The following SAG variants were observed in gnomAD, a reference collection of about 807,000 sequenced individuals.
SAG encodes S-arrestin.
In SAG, 45 loss-of-function variants were observed where a neutral mutation model predicts 55.0. The ratio of observed to expected loss-of-function variants is 0.82; its 90% CI spans 0.64 to 1.05. The LOEUF (loss-of-function observed/expected upper bound fraction) is 1.05. SAG is among the 50% of genes least tolerant of loss of function. SAG has a pLI of 0.00. For synonymous variants in SAG, 189 were observed against 197.4 expected, an observed-to-expected ratio of 0.96 and a Z score of 0.36; for missense variants, 455 against 512.1, an observed-to-expected ratio of 0.89 and a Z score of 1.08.
Position 233,328,497 on chromosome 2 carries a change from A to G in SAG, c.532A>G (p.Ile178Val). 1 of 1,613,764 alleles carries G rather than the reference A, an allele frequency of 6.2e-7. No homozygotes were observed. The highest frequency in any genetic ancestry group is 8.5e-7 in the Non-Finnish European group (1 of 1,179,728). The part of the protein sequence containing the change: ...IPKKSSVRLL[I>V]RKVQHAPLEM... The stretch of plus-strand genomic sequence containing the variant: ...CCACAGGAGCTCCGTGCGATTACTG[A>G]TCCGCAAAGTACAGCATGCCCCACT... Residue 178 changes from isoleucine to valine, a missense_variant, in exon 8 of 16, where the codon ATC becomes GTC. Physicochemically the swap from Ile to Val is conservative, Grantham distance 29. Transcript: ENST00000409110.
chr2:233,313,515 A>AT (rs111926878), intron 2 of SAG, among the ~76,000 whole-genome samples: 28,577 of 146,936 alleles, frequency 0.19, 4,189 homozygotes, highest in African/African-American at 0.42. Context: ...TTTGGGGAGA[A>AT]TTTTTTTTTT....
At chr2:233,343,579 G>A in intron 14 of SAG, 1 of 818,774 alleles carries the variant, frequency 1.2e-6, no homozygotes, top group East Asian at 7.2e-5. Flanking sequence ...CTGTGAAAAG[G>A]TAAATTGTAT....
At chr2:233,321,433 GAATGAAATT>G (rs1401539243) in intron 5 of SAG, among the ~76,000 whole-genome samples, 1 of 152,192 alleles carries the variant, frequency 6.6e-6, no homozygotes, top group Non-Finnish European at 1.5e-5. Flanking sequence ...CCTTAAAAAG[GAATGAAATT>G]CTGTTCTGTG....
rs373995961 is a variant in SAG at position 233,317,895 on chromosome 2, C to T, written c.137-856C>T. On this transcript the variant is annotated intron_variant, in intron 3 of 15. Transcript: ENST00000409110. ...ATAATTGAGTGAGGAAAGCAGTTAG[C>T]TGAACAGTATGTACAATAGGATCTT... 5.3e-5 allele frequency among the ~76,000 whole-genome samples: 8 copies of T among 152,290 alleles called. No individual in the cohort carries two copies. The East Asian group carries it at 1.2e-3, about 22-fold the overall frequency.
chr2:233,339,464 C>G (rs6742218), intron 12 of SAG, among the ~76,000 whole-genome samples: 94,282 of 151,600 alleles, frequency 0.62, 29,704 homozygotes, highest in South Asian at 0.71. Flanking sequence ...GGAAAATAAG[C>G]GTTTAAAAAG....
Position 233,328,520 on chromosome 2 carries a change from A to T in SAG, c.555A>T (p.Pro185=), listed in dbSNP as rs940517348. The T allele has an allele frequency of 1.2e-6, 2 of 1,613,764 alleles. No individual in the cohort carries two copies. Among genetic ancestry groups the T allele is most frequent in the African/African-American group, 2.7e-5 (2 of 74,912 alleles). Residue 185 remains proline, a synonymous_variant, in exon 8 of 16, where the codon CCA becomes CCT. Transcript: ENST00000409110. The stretch of plus-strand genomic sequence containing the variant: ...TGATCCGCAAAGTACAGCATGCCCC[A>T]CTTGAGATGGGTCCCCAGCCCCGAG... ...RLLIRKVQHA[P]LEMGPQPRAE... is the part of the protein sequence containing the mutation.
At chr2:233,343,574 A>G in intron 14 of SAG, 1 of 773,468 alleles carries the variant, frequency 1.3e-6, no homozygotes, top group Non-Finnish European at 1.8e-6. Flanking sequence ...GTCGACTGTG[A>G]AAAGGTAAAT....
chr2:233,309,693 A>G (rs992109302), intron 2 of SAG, among the ~76,000 whole-genome samples: 1 of 152,126 alleles, frequency 6.6e-6, no homozygotes, highest in Admixed American at 6.6e-5. Context: ...CTTTGTGTCT[A>G]TTTTTGTCTC....
chr2:233,309,214 A>T lies in SAG; in HGVS notation c.25A>T (p.Lys9Ter), dbSNP rs1326542124. MAASGKTS[K>*]SEPNHVIFKK... ...CATGGCAGCCAGCGGGAAGACCAGC[A>T]AGTCCGAACCGAACCATGTTATCTT... Residue 9 changes from lysine to a stop codon, truncating the protein, a stop_gained, in exon 2 of 16, where the codon AAG (lysine) becomes TAG (stop). Coordinates refer to ENST00000409110, the MANE Select transcript of SAG (RefSeq NM_000541.5). LOFTEE classifies it high-confidence loss of function. 4.3e-6 allele frequency: 7 copies of T among 1,613,840 alleles called. No homozygotes were observed. Among genetic ancestry groups the T allele is most frequent in the Non-Finnish European group, 5.1e-6 (6 of 1,179,800 alleles).
chr2:233,321,986 T>TACACACACAC (rs57822347), intron 5 of SAG, among the ~76,000 whole-genome samples: 31 of 133,262 alleles, frequency 2.3e-4, no homozygotes, highest in South Asian at 5.0e-4. Flanking sequence ...CTACTAAAAA[T>TACACACACAC]ACACACACAC....
At position 233,327,134 on chromosome 2, in the gene SAG, A is replaced by T. The variant is rs1700585390; in HGVS notation, c.449A>T (p.Asp150Val). The T allele has an allele frequency of 1.2e-6, 2 of 1,613,670 alleles. No individual in the cohort carries two copies. The highest frequency in any genetic ancestry group is 1.7e-5 in the Admixed American group (1 of 60,004). ...TCTCCCCAACAGTCCTGTGGGGTTG[A>T]CTTTGAGGTCAAAGCATTCGCCACA... ...PQDSGKSCGV[D>V]FEVKAFATDS... The change falls in exon 7 of 16, where the codon GAC (aspartate) becomes GTC (valine). Residue 150 changes from aspartate to valine, a missense_variant. Transcript: ENST00000409110.
chr2:233,329,368 C>T, intron 8 of SAG, 125 bp from the exon 9 acceptor site: 1 of 682,016 alleles, frequency 1.5e-6, no homozygotes, highest in Non-Finnish European at 2.6e-6. Context: ...GCTATCACTT[C>T]ATCTTCCTTA....
chr2:233,309,077 G>T (rs1700007849), intron 1 of SAG, 85 bp from the exon 2 acceptor site: 1 of 764,976 alleles, frequency 1.3e-6, no homozygotes, highest in East Asian at 2.7e-5. Flanking sequence ...TCGTGAGTAG[G>T]TTTCATAACT....
chr2:233,319,969 A>G lies in SAG; in HGVS notation c.182-661A>G. ...GAAATATGTGCTTCGTGTCTTTTTT[A>G]GAAGGTGTAGTGAACTTCATACAAT... On this transcript the variant is annotated intron_variant, in intron 4 of 15. Transcript: ENST00000409110. This position sits in a 1 kb window ranked among gnomAD's most constrained non-coding sequence, Gnocchi z 4.4. 2 of 985,462 alleles carry G rather than the reference A, an allele frequency of 2.0e-6. No individual in the cohort carries two copies. The highest frequency in any genetic ancestry group is 2.4e-6 in the Non-Finnish European group (2 of 829,942). The allele number at this position is 985,462 out of a possible 1,614,324, so 61.0% of individuals were successfully genotyped here.
At chr2:233,311,040 G>A (rs1382441661) in intron 2 of SAG, among the ~76,000 whole-genome samples, 3 of 152,150 alleles carry the variant, frequency 2.0e-5, no homozygotes, top group Non-Finnish European at 4.4e-5. Flanking sequence ...AACCACTCGT[G>A]TTGGTTTCCC....
At position 233,340,403 on chromosome 2, in the gene SAG, G is replaced by T; in HGVS notation, c.1023-52G>T. 6.4e-7 allele frequency: 1 copy of T among 1,563,138 alleles called. No individual in the cohort carries two copies. Among genetic ancestry groups the T allele is most frequent in the East Asian group, 2.3e-5 (1 of 44,344 alleles). ...TCCTGCCTCTGAATCATGGGAAAGG[G>T]TCGTGTTACCACTGTGACAGTTAAC... On this transcript the variant is annotated intron_variant, in intron 12 of 15. Coordinates refer to ENST00000409110, the MANE Select transcript of SAG (RefSeq NM_000541.5). The surrounding 1 kb of genome is among the most constrained non-coding windows in gnomAD (Gnocchi z 4.2).
intron 14 of SAG, chr2:233,343,722 A>G: frequency 8.3e-7 from 1 of 1,210,390 alleles, no homozygotes; most frequent in Non-Finnish European, 1.0e-6. Context: ...CGGGAAAGAA[A>G]AACAGATCTG....
chr2:233,335,174 TGCTGGGCTC>T (rs1700885710), intron 11 of SAG, 75 bp downstream of exon 11: 1 of 1,538,470 alleles, frequency 6.5e-7, no homozygotes, highest in Non-Finnish European at 8.8e-7. Context: ...CACATCACCC[TGCTGGGCTC>T]GCAGGCACGC....
intron 11 of SAG, among the ~76,000 whole-genome samples, chr2:233,336,729 T>C (rs926865606): frequency 2.0e-5 from 3 of 152,142 alleles, no homozygotes; most frequent in African/African-American, 7.2e-5. Context: ...GGGTTCTGAC[T>C]TGCAGGGTGT....
Sources: allele counts gnomAD v4.1 joint callset (sites outside exome capture counted in the v4.1 genomes callset), GRCh38; gene constraint gnomAD v4.1.1; non-coding constraint Gnocchi (gnomAD v3.1); transcripts MANE v1.5; gene names NCBI Gene and HGNC (gene_info 2026-07-23, HGNC 2026-07-21).